PIGQ: variants seen among roughly 807,000 people sequenced by gnomAD.
The protein encoded by PIGQ is phosphatidylinositol glycan anchor biosynthesis class Q.
PIGQ carries 54 observed loss-of-function variants against 60.3 expected under a neutral mutation model. The observed-to-expected ratio is 0.90, with a 90% CI of 0.72 to 1.12. The LOEUF (loss-of-function observed/expected upper bound fraction) is 1.12. PIGQ is among the 50% of genes most tolerant of loss of function. PIGQ has a pLI of 0.00. For missense variants in PIGQ, 799 were observed against 793.5 expected (o/e 1.01, Z -0.08); for synonymous variants, 416 against 363.7 (o/e 1.14, Z -1.64).
At chr16:582,438 G>T (rs1596388143) in intron 10 of PIGQ, 129 bp downstream of exon 10, 1 of 695,904 alleles carries the variant, frequency 1.4e-6, no homozygotes, top group Non-Finnish European at 2.4e-6. Flanking sequence ...GCCCAGTGGA[G>T]CTGAGGGGGA....
chr16:583,544 G>A lies in PIGQ; in HGVS notation c.*509G>A, dbSNP rs202056001. 14 of 1,612,430 alleles carry A rather than the reference G, an allele frequency of 8.7e-6. No homozygotes were observed. Among genetic ancestry groups the A allele is most frequent in the African/African-American group, 6.7e-5 (5 of 75,014 alleles). On this transcript the variant is annotated 3_prime_UTR_variant, in exon 11 of 11. Coordinates refer to ENST00000321878, the MANE Select transcript of PIGQ (RefSeq NM_004204.5). ...CTGCATCTGGGGGATTGAAGCAGTC[G>A]CTGACCCCCGTCCCCAGCGGGCCCG...
Position 574,312 on chromosome 16 carries a change from T to C in PIGQ, c.238T>C (p.Phe80Leu). Reference protein sequence around the residue: ...RQEPEESLGRFLESLGAVFPH... With the variant: ...RQEPEESLGRLLESLGAVFPH... ...GGAGCCCGAGGAGAGCCTGGGCCGCTTCCTGGAGAGCCTGGGTGCTGTCTT... is the reference window on the plus strand; with the variant it reads ...GGAGCCCGAGGAGAGCCTGGGCCGCCTCCTGGAGAGCCTGGGTGCTGTCTT... The change falls in exon 2 of 11, where the codon TTC becomes CTC. Residue 80 changes from phenylalanine (F) to leucine (L), a missense_variant. Phe to Leu is a conservative substitution (Grantham distance 22). Transcript: ENST00000321878. The C allele has an allele frequency of 6.2e-7, 1 of 1,606,990 alleles. No individual in the cohort carries two copies. Among genetic ancestry groups the C allele is most frequent in the Non-Finnish European group, 8.5e-7 (1 of 1,179,224 alleles).
rs759816337 is a variant in PIGQ at position 583,742 on chromosome 16, G to GC, written c.*711dup. 85 of 1,315,166 alleles carry GC rather than the reference G, an allele frequency of 6.5e-5. No homozygotes were observed. The African/African-American group carries it at 1.2e-3, about 18-fold the overall frequency. The allele number at this position is 1,315,166 out of a possible 1,614,324, so 81.5% of individuals were successfully genotyped here. A position where few individuals can be genotyped will look rare whatever the true frequency, so the allele number is the denominator to read the frequency against. Reference sequence around the variant, plus strand: ...CCAGCCGTACCTATTCGTCCACGGTGCCCCGTAGCAGCAGGTCCTGCGGCC... The same window carrying GC: ...CCAGCCGTACCTATTCGTCCACGGTGCCCCCGTAGCAGCAGGTCCTGCGGCC... On this transcript the variant is annotated 3_prime_UTR_variant, in exon 11 of 11. Transcript: ENST00000321878.
intron 5 of PIGQ, 93 bp downstream of exon 5, chr16:578,598 C>T: frequency 1.4e-6 from 2 of 1,476,742 alleles, no homozygotes; most frequent in Non-Finnish European, 1.8e-6. Flanking sequence ...GCCCCCAACT[C>T]TGCTCCCCAG....
At chr16:580,737 C>T (rs923746304) in intron 8 of PIGQ, 121 bp from the exon 9 acceptor site, 2 of 698,976 alleles carry the variant, frequency 2.9e-6, no homozygotes, top group African/African-American at 1.8e-5. Context: ...GGGTGGGGTC[C>T]CTGCTCTCCC....
chr16:576,727 G>A (rs1380011063), intron 4 of PIGQ: 3 of 408,256 alleles, frequency 7.3e-6, no homozygotes, highest in Non-Finnish European at 1.3e-5. Context: ...GGCACAGCTT[G>A]TCTCCCATCT....
In PIGQ at chr16:579,123, G is replaced by A. The variant is rs1596385944; in HGVS notation, c.1278G>A (p.Gly426=). 7 of 1,613,024 alleles carry A rather than the reference G, an allele frequency of 4.3e-6. No individual in the cohort carries two copies. Among genetic ancestry groups the A allele is most frequent in the South Asian group, 1.1e-5 (1 of 91,088 alleles). ...GLSSLWRLFR[G]KKWNVLRQRV... is the part of the protein sequence containing the mutation. ...CCTCACTGTGGCGTCTGTTCCGGGG[G>A]AAGAAGTGGAACGTTCTGCGCCAGC... The change falls in exon 7 of 11, where the codon GGG becomes GGA. Residue 426 remains glycine, a synonymous_variant. Coordinates refer to ENST00000321878, the MANE Select transcript of PIGQ (RefSeq NM_004204.5).
intron 4 of PIGQ, 79 bp downstream of exon 4, chr16:576,333 G>A (rs2035718135): frequency 3.4e-6 from 5 of 1,453,240 alleles, no homozygotes; most frequent in East Asian, 2.5e-5. Flanking sequence ...TCCCGGGCCA[G>A]AGCCACCGCC....
At chr16:570,373 G>T (rs1170314104) in intron 1 of PIGQ, 2 of 152,292 alleles carry the variant, frequency 1.3e-5, no homozygotes, top group African/African-American at 4.8e-5. Context: ...GAGAGGGGAA[G>T]GCCCTGCTTG....
chr16:572,803 G>T (rs1335599490), intron 1 of PIGQ, among the ~76,000 whole-genome samples: 1 of 152,126 alleles, frequency 6.6e-6, no homozygotes, highest in African/African-American at 2.4e-5. Flanking sequence ...GGTGGGCACT[G>T]CGACCTCCAG....
Position 578,473 on chromosome 16 carries a change from G to T in PIGQ, c.1037G>T (p.Arg346Leu). ...CGTGCACTGGACCAGGTGCTGGGCC[G>T]CTTCTTCCTCTACCACATCCACCTG... is the stretch of plus-strand genomic sequence containing the variant. ...MNRALDQVLGRFFLYHIHLWI... is the reference protein window; with the variant it reads ...MNRALDQVLGLFFLYHIHLWI... Residue 346 changes from arginine to leucine, a missense_variant, in exon 5 of 11, where the codon CGC becomes CTC. Arg to Leu is a moderately radical substitution (Grantham distance 102). Transcript: ENST00000321878. The T allele has an allele frequency of 1.9e-6, 3 of 1,612,620 alleles. No individual in the cohort carries two copies. The highest frequency in any genetic ancestry group is 1.1e-5 in the South Asian group (1 of 91,076).
chr16:576,315 C>T (rs918346521), intron 4 of PIGQ, 61 bp downstream of exon 4: 5 of 1,505,832 alleles, frequency 3.3e-6, no homozygotes, highest in Non-Finnish European at 4.4e-6. Flanking sequence ...TCCTGGGCAG[C>T]AGAGCCTTCC....
chr16:576,101 C>T (rs1450917014), intron 3 of PIGQ, 33 bp from the exon 4 acceptor site: 4 of 1,545,296 alleles, frequency 2.6e-6, no homozygotes, highest in Non-Finnish European at 3.5e-6. Flanking sequence ...TGCTGGCCAC[C>T]CTCATGCCGG....
Position 580,914 on chromosome 16 carries a change from C to T in PIGQ, c.1473C>T (p.Ile491=), listed in dbSNP as rs760124355. 39 of 1,609,666 alleles carry T rather than the reference C, an allele frequency of 2.4e-5. No individual in the cohort carries two copies. The highest frequency in any genetic ancestry group is 3.3e-5 in the Non-Finnish European group (39 of 1,178,512). ...TGATCCATCTGCTCGTGGACCTCAT[C>T]AACTCCCTGCCGCTGTACTCACTGG... is the stretch of plus-strand genomic sequence containing the variant. ...QGLIHLLVDL[I]NSLPLYSLGL... The change falls in exon 9 of 11, where the codon ATC becomes ATT. Residue 491 remains isoleucine (I), a synonymous_variant. Coordinates refer to ENST00000321878, the MANE Select transcript of PIGQ (RefSeq NM_004204.5).
At position 583,556 on chromosome 16, in the gene PIGQ, C is replaced by A. The variant is rs752109291; in HGVS notation, c.*521C>A. ...GATTGAAGCAGTCGCTGACCCCCGT[C>A]CCCAGCGGGCCCGGGCCCTCACTCC... On this transcript the variant is annotated 3_prime_UTR_variant, in exon 11 of 11. Transcript: ENST00000321878. The A allele has an allele frequency of 6.2e-7, 1 of 1,612,366 alleles. No individual in the cohort carries two copies. Among genetic ancestry groups the A allele is most frequent in the South Asian group, 1.1e-5 (1 of 91,070 alleles).
chr16:574,828 G>A, intron 2 of PIGQ, 65 bp downstream of exon 2: 1 of 1,253,822 alleles, frequency 8.0e-7, no homozygotes, highest in East Asian at 2.5e-5. Flanking sequence ...CCATCCCTTT[G>A]TCTGCAGTGG....
At chr16:578,994 T>G (rs1288082129) in intron 6 of PIGQ, 56 bp downstream of exon 6, 33 of 1,369,844 alleles carry the variant, frequency 2.4e-5, no homozygotes, top group African/African-American at 3.3e-5. Flanking sequence ...AGGCTCCGGC[T>G]GGGCGGGCGT....
intron 9 of PIGQ, chr16:581,834 G>A: frequency 3.8e-6 from 1 of 264,810 alleles, no homozygotes; most frequent in Non-Finnish European, 7.1e-6. Context: ...TGTGATCTCA[G>A]CTCACTGCAA....
chr16:582,723 C>G (rs1378181490), intron 10 of PIGQ, 160 bp from the exon 11 acceptor site: 7 of 798,944 alleles, frequency 8.8e-6, no homozygotes, highest in Non-Finnish European at 1.4e-5. Flanking sequence ...TGGCTGCAGG[C>G]TCACTTGCCT....
Sources: allele counts gnomAD v4.1 joint callset (sites outside exome capture counted in the v4.1 genomes callset), GRCh38; gene constraint gnomAD v4.1.1; transcripts MANE v1.5; gene names NCBI Gene and HGNC (gene_info 2026-07-23, HGNC 2026-07-21).